ZC3H12B: variants seen among roughly 807,000 people sequenced by gnomAD.
The protein encoded by ZC3H12B is probable ribonuclease ZC3H12B.
In ZC3H12B, 7 loss-of-function variants were observed where a neutral mutation model predicts 43.9. That is an observed-to-expected ratio of 0.16 (90% confidence interval 0.09 to 0.30). ZC3H12B has a LOEUF of 0.30. ZC3H12B is among the 10% of genes least tolerant of loss of function. ZC3H12B has a pLI of 1.00. For synonymous variants in ZC3H12B, 222 were observed against 241.7 expected (o/e 0.92, Z 0.76); for missense variants, 475 against 670.2 (o/e 0.71, Z 3.22).
the ZC3H12B span, among the ~76,000 whole-genome samples, chrX:65,312,000 AG>A: frequency 1.8e-5 from 2 of 111,144 alleles, no homozygotes; most frequent in South Asian, 7.7e-4. Context: ...GTCTGGGAGT[AG>A]GGGGCAGGGG....
the ZC3H12B span, among the ~76,000 whole-genome samples, chrX:65,180,493 A>G: frequency 8.9e-6 from 1 of 111,863 alleles, no homozygotes; most frequent in Admixed American, 9.6e-5. Flanking sequence ...TGAAGATGAC[A>G]TGATTGTATA....
At chrX:65,197,184 C>T in the ZC3H12B span, among the ~76,000 whole-genome samples, 1 of 111,841 alleles carries the variant, frequency 8.9e-6, no homozygotes, top group East Asian at 2.8e-4. Context: ...ACAGCGTCCG[C>T]CCTGGCCGGC....
At chrX:65,389,438 G>A (rs769878339) in intron 2 of ZC3H12B, among the ~76,000 whole-genome samples, 223 of 112,624 alleles carry the variant, frequency 2.0e-3, no homozygotes, top group African/African-American at 6.6e-3. Context: ...TCCAAGCCAG[G>A]CACGGGATAT....
chrX:65,123,123 G>T, the ZC3H12B span, among the ~76,000 whole-genome samples: 1 of 112,085 alleles, frequency 8.9e-6, no homozygotes, highest in Non-Finnish European at 1.9e-5. Flanking sequence ...TTTATTGAGA[G>T]TTTTTAGCAT....
At chrX:65,157,693 T>C in the ZC3H12B span, among the ~76,000 whole-genome samples, 2 of 111,857 alleles carry the variant, frequency 1.8e-5, no homozygotes, top group Non-Finnish European at 3.8e-5. Context: ...TTGTTACTAA[T>C]ATATTTGAAT....
the ZC3H12B span, among the ~76,000 whole-genome samples, chrX:65,212,332 T>G: frequency 1.4e-4 from 7 of 50,542 alleles, no homozygotes; most frequent in African/African-American, 6.6e-4. Flanking sequence ...TTATATTATA[T>G]AATATATAAT....
chrX:65,151,697 A>T, the ZC3H12B span, among the ~76,000 whole-genome samples: 3 of 111,736 alleles, frequency 2.7e-5, no homozygotes, highest in African/African-American at 9.8e-5. Flanking sequence ...ATTCCAATCA[A>T]TACAAAAAGA....
At chrX:65,265,492 T>G in the ZC3H12B span, among the ~76,000 whole-genome samples, 40 of 111,935 alleles carry the variant, frequency 3.6e-4, no homozygotes, top group African/African-American at 1.2e-3. Flanking sequence ...TAGTGAAAAT[T>G]GAATGTCTGG....
intron 3 of ZC3H12B, among the ~76,000 whole-genome samples, chrX:65,450,843 A>ATATATATACATATGTGTATATATG (rs1449159853): frequency 1.2e-5 from 1 of 80,405 alleles, no homozygotes; most frequent in Admixed American, 1.4e-4. Flanking sequence ...GTATATATGT[A>ATATATATACATATGTGTATATATG]TATATATACA....
chrX:65,416,837 CA>C (rs766852095), intron 3 of ZC3H12B, among the ~76,000 whole-genome samples: 126 of 110,205 alleles, frequency 1.1e-3, no homozygotes, highest in African/African-American at 4.0e-3. Context: ...CTTACTGAAT[CA>C]AAGAACTCTG....
At chrX:65,078,997 C>A in the ZC3H12B span, among the ~76,000 whole-genome samples, 2 of 111,679 alleles carry the variant, frequency 1.8e-5, no homozygotes, top group Non-Finnish European at 3.8e-5. Context: ...ACCCATTAAT[C>A]ATCCCCAATT....
chrX:65,172,535 T>A, the ZC3H12B span, among the ~76,000 whole-genome samples: 1 of 112,247 alleles, frequency 8.9e-6, no homozygotes, highest in African/African-American at 3.2e-5. Flanking sequence ...TTAAGTTTTC[T>A]TCTAGGATTT....
chrX:65,403,772 A>G (rs2066790958), intron 3 of ZC3H12B, among the ~76,000 whole-genome samples: 1 of 111,805 alleles, frequency 8.9e-6, no homozygotes. Flanking sequence ...ACAGACTAAC[A>G]AAAGCTGAGG....
the ZC3H12B span, among the ~76,000 whole-genome samples, chrX:65,163,967 G>T: frequency 3.6e-5 from 4 of 111,914 alleles, no homozygotes; most frequent in African/African-American, 6.5e-5. Flanking sequence ...TATTTTATTT[G>T]ATTATTAAAT....
the ZC3H12B span, among the ~76,000 whole-genome samples, chrX:65,359,353 G>A: frequency 6.3e-5 from 7 of 111,748 alleles, no homozygotes; most frequent in African/African-American, 2.3e-4. Flanking sequence ...ATAAGGCTAT[G>A]GTTGCTAGAG....
intron 3 of ZC3H12B, among the ~76,000 whole-genome samples, chrX:65,459,985 A>T (rs1040231727): frequency 2.7e-5 from 3 of 112,228 alleles, no homozygotes; most frequent in Non-Finnish European, 5.6e-5. Context: ...AAATCTCCTT[A>T]AGCTGATAAG....
chrX:65,341,420 A>G, the ZC3H12B span, among the ~76,000 whole-genome samples: 1 of 111,807 alleles, frequency 8.9e-6, no homozygotes, highest in South Asian at 3.7e-4. Context: ...AGATTTTCCA[A>G]GGTCAAAATG....
intron 2 of ZC3H12B, among the ~76,000 whole-genome samples, chrX:65,369,335 C>A (rs754394379): frequency 9.0e-6 from 1 of 111,635 alleles, no homozygotes; most frequent in African/African-American, 3.2e-5. Flanking sequence ...CATAGCAATC[C>A]TATGGTGTAG....
At chrX:65,359,842 G>A in the ZC3H12B span, among the ~76,000 whole-genome samples, 1 of 112,147 alleles carries the variant, frequency 8.9e-6, no homozygotes, top group Non-Finnish European at 1.9e-5. Flanking sequence ...AAGTACTGCT[G>A]TGGATAAAAT....
Sources: allele counts gnomAD v4.1 joint callset (sites outside exome capture counted in the v4.1 genomes callset), GRCh38; gene constraint gnomAD v4.1.1; transcripts MANE v1.5; gene names NCBI Gene and HGNC (gene_info 2026-07-23, HGNC 2026-07-21).